SLC35F4: variants seen among roughly 807,000 people sequenced by gnomAD.
The protein encoded by SLC35F4 is solute carrier family 35 member F4.
In SLC35F4, 24 loss-of-function variants were observed where a neutral mutation model predicts 44.2. The observed-to-expected ratio is 0.54, with a 90% CI of 0.39 to 0.76. The LOEUF is 0.76. SLC35F4 is among the 30% of genes least tolerant of loss of function. The probability of loss-of-function intolerance (pLI) is 0.00; values close to 1 mark genes in which losing one functional copy is unlikely to be tolerated. For missense variants in SLC35F4, 562 were observed against 586.1 expected (o/e 0.96, Z 0.42); for synonymous variants, 238 against 223.6 (o/e 1.06, Z -0.57).
chr14:57,725,315 A>G (rs2076176000), intron 1 of SLC35F4, among the ~76,000 whole-genome samples: 1 of 152,190 alleles, frequency 6.6e-6, no homozygotes, highest in African/African-American at 2.4e-5. Flanking sequence ...CCAATTTGCC[A>G]GCAGTAGAGA....
At chr14:57,773,132 T>C (rs2077408467) in intron 1 of SLC35F4, among the ~76,000 whole-genome samples, 1 of 152,204 alleles carries the variant, frequency 6.6e-6, no homozygotes, top group Admixed American at 6.5e-5. Context: ...GCTGCTTGTA[T>C]TTCTTCTTTT....
chr14:57,647,109 G>T (rs539293310), intron 1 of SLC35F4, among the ~76,000 whole-genome samples: 1 of 152,094 alleles, frequency 6.6e-6, no homozygotes, highest in Non-Finnish European at 1.5e-5. Context: ...TTGACTTGGG[G>T]TGGAGAGTTC....
At position 57,581,345 on chromosome 14, in the gene SLC35F4, T is replaced by C; in HGVS notation, c.676A>G (p.Thr226Ala). ...TAPFSILWTL[T>A]NYLYLLALKK... ...AAAGCCAGTAAATAAAGGTAATTAG[T>C]CAAAGTCCATAGAATAGAAAAGGGA... Residue 226 changes from threonine (T) to alanine (A), a missense_variant, in exon 4 of 8, where the codon ACT becomes GCT. By Grantham distance (58) the Thr-to-Ala change is moderately conservative. Transcript: ENST00000556826. 6.2e-7 allele frequency: 1 copy of C among 1,613,462 alleles called. No homozygotes were observed. The highest frequency in any genetic ancestry group is 2.2e-5 in the East Asian group (1 of 44,872).
chr14:57,713,826 T>C (rs1190326899), intron 1 of SLC35F4, among the ~76,000 whole-genome samples: 3 of 152,194 alleles, frequency 2.0e-5, no homozygotes, highest in Non-Finnish European at 2.9e-5. Flanking sequence ...GTAAGAATAT[T>C]GGGAATTCCT....
Position 57,865,965 on chromosome 14 carries a change from G to A in SLC35F4, c.-140C>T, listed in dbSNP as rs1768973789. ...CGCCCGGGCTCTGACTCCACCGCCCGGCGCAGCACCGGCTCCGCATCACAG... is the reference window on the plus strand; with the variant it reads ...CGCCCGGGCTCTGACTCCACCGCCCAGCGCAGCACCGGCTCCGCATCACAG... On this transcript the variant is annotated 5_prime_UTR_variant, in exon 1 of 8. Coordinates refer to ENST00000556826, the MANE Select transcript of SLC35F4 (RefSeq NM_001306087.2). 4.3e-6 allele frequency: 2 copies of A among 461,316 alleles called. No individual in the cohort carries two copies. The highest frequency in any genetic ancestry group is 4.0e-5 in the South Asian group (1 of 25,032). The allele number at this position is 461,316 out of a possible 1,614,324, so 28.6% of individuals were successfully genotyped here. A position where few individuals can be genotyped will look rare whatever the true frequency, so the allele number is the denominator to read the frequency against.
At chr14:57,883,559 GAGAA>G in intron 1 of SLC35F4, among the ~76,000 whole-genome samples, 1 of 152,326 alleles carries the variant, frequency 6.6e-6, no homozygotes, top group East Asian at 1.9e-4. Flanking sequence ...AAATGAGAAA[GAGAA>G]AGAAACAAAT....
chr14:57,634,102 A>G (rs1368183960), intron 1 of SLC35F4, among the ~76,000 whole-genome samples: 1 of 152,180 alleles, frequency 6.6e-6, no homozygotes, highest in Admixed American at 6.5e-5. Context: ...AGCAACAACC[A>G]CAACCAGCAA....
chr14:57,719,838 C>T (rs1489372800), intron 1 of SLC35F4, among the ~76,000 whole-genome samples: 1 of 152,014 alleles, frequency 6.6e-6, no homozygotes, highest in East Asian at 1.9e-4. Context: ...GCTAGGACTT[C>T]CAATACTATG....
At position 57,581,450 on chromosome 14, in the gene SLC35F4, A is replaced by C; in HGVS notation, c.588-17T>G. 8.2e-6 allele frequency: 13 copies of C among 1,591,792 alleles called. No homozygotes were observed. Among genetic ancestry groups the C allele is most frequent in the Non-Finnish European group, 9.4e-6 (11 of 1,168,148 alleles). Reference sequence around the variant, plus strand: ...CTGCATTCCCTAGGAAAGAAAAGAGAAGTTAATATCCAGGTACTGATGGTG... The same window carrying C: ...CTGCATTCCCTAGGAAAGAAAAGAGCAGTTAATATCCAGGTACTGATGGTG... On this transcript the variant is annotated splice_polypyrimidine_tract_variant and intron_variant, in intron 3 of 7. Coordinates refer to ENST00000556826, the MANE Select transcript of SLC35F4 (RefSeq NM_001306087.2).
chr14:57,784,636 C>T (rs1044124360), intron 1 of SLC35F4, among the ~76,000 whole-genome samples: 1 of 152,166 alleles, frequency 6.6e-6, no homozygotes, highest in African/African-American at 2.4e-5. Context: ...ATGATTTCAC[C>T]ACTGCACTCT....
At chr14:57,705,180 T>C (rs1259572698) in intron 1 of SLC35F4, among the ~76,000 whole-genome samples, 2 of 152,096 alleles carry the variant, frequency 1.3e-5, no homozygotes, top group African/African-American at 4.8e-5. Context: ...TGCTAGCTAG[T>C]AAAATTACTG....
chr14:57,810,580 A>C (rs1014653157), intron 1 of SLC35F4, among the ~76,000 whole-genome samples: 2 of 152,186 alleles, frequency 1.3e-5, no homozygotes, highest in Non-Finnish European at 2.9e-5. Context: ...TTCACACAGG[A>C]TCAAGTGAGC....
chr14:57,893,956 A>G lies in SLC35F4; in HGVS notation n.282+87957T>C, dbSNP rs143570926. 8.7e-4 allele frequency among the ~76,000 whole-genome samples: 133 copies of G among 152,254 alleles called. 1 individual carries two copies. Among genetic ancestry groups the G allele is most frequent in the Admixed American group, 3.7e-3 (56 of 15,272 alleles). The stretch of plus-strand genomic sequence containing the variant: ...AGAAATTCAAAAGTATTTTGGTTTA[A>G]TTTTAAATTCAGATAACTGAACACT... On this transcript the variant is annotated intron_variant and non_coding_transcript_variant, in intron 1 of 1. Transcript: ENST00000556568.
At chr14:57,606,312 T>C (rs1432431668) in intron 1 of SLC35F4, among the ~76,000 whole-genome samples, 1 of 147,590 alleles carries the variant, frequency 6.8e-6, no homozygotes, top group Non-Finnish European at 1.5e-5. Flanking sequence ...TTGCTTTCTA[T>C]AATACTTATA....
rs528771051 is a variant in SLC35F4 at position 57,852,831 on chromosome 14, A to G, written c.103+12892T>C. On this transcript the variant is annotated intron_variant, in intron 1 of 7. Coordinates refer to ENST00000556826, the MANE Select transcript of SLC35F4 (RefSeq NM_001306087.2). ...GGCACATGACTTGGAGTTTAGTAAG[A>G]TATTAGCAGGAAAAACCTGAAGGCT... Among the ~76,000 whole-genome samples, 12 of 152,296 alleles carry G rather than the reference A, an allele frequency of 7.9e-5. No individual in the cohort carries two copies. The East Asian group carries it at 2.1e-3, about 27-fold the overall frequency.
At chr14:57,868,635 C>T (rs1392466533), upstream of SLC35F4, among the ~76,000 whole-genome samples, 1 of 152,004 alleles carries the variant, frequency 6.6e-6, no homozygotes, top group Non-Finnish European at 1.5e-5. Flanking sequence ...GACACCACGC[C>T]CAGCTAATTT....
At chr14:57,574,657 T>C (rs2068687781) in intron 4 of SLC35F4, among the ~76,000 whole-genome samples, 1 of 152,220 alleles carries the variant, frequency 6.6e-6, no homozygotes, top group Non-Finnish European at 1.5e-5. Flanking sequence ...TAAGAAATTT[T>C]AAATATATTT....
chr14:57,900,203 C>A, intron 1 of SLC35F4, among the ~76,000 whole-genome samples: 1 of 152,208 alleles, frequency 6.6e-6, no homozygotes, highest in African/African-American at 2.4e-5. Flanking sequence ...CAAGGCCCCA[C>A]TGGGGACCCA....
intron 1 of SLC35F4, among the ~76,000 whole-genome samples, chr14:57,950,425 C>A (rs1890114085): frequency 1.3e-5 from 2 of 151,570 alleles, no homozygotes; most frequent in African/African-American, 4.8e-5. Flanking sequence ...AATTTTAAGT[C>A]CATATCCTGT....
Sources: allele counts gnomAD v4.1 joint callset (sites outside exome capture counted in the v4.1 genomes callset), GRCh38; gene constraint gnomAD v4.1.1; transcripts MANE v1.5; gene names NCBI Gene and HGNC (gene_info 2026-07-23, HGNC 2026-07-21).